NRG2: variants seen among roughly 807,000 people sequenced by gnomAD.
NRG2 encodes neuregulin 2, also known as pro-neuregulin-2, membrane-bound isoform.
A neutral mutation model predicts 73.9 loss-of-function variants in NRG2; 27 were observed. The observed-to-expected ratio is 0.37, with a 90% confidence interval of 0.27 to 0.50. NRG2 has a LOEUF of 0.50. Among genes scored for constraint, NRG2 ranks in the 20% least tolerant of loss-of-function variants. The pLI, the probability that NRG2 is intolerant of heterozygous loss-of-function variation, is 0.96. For synonymous variants in NRG2, 532 were observed against 541.0 expected, an observed-to-expected ratio of 0.98 and a Z score of 0.23; for missense variants, 1,126 against 1,210.1, an observed-to-expected ratio of 0.93 and a Z score of 1.03.
chr5:139,910,895 A>G (rs1458854087), intron 1 of NRG2, among the ~76,000 whole-genome samples: 1 of 152,068 alleles, frequency 6.6e-6, no homozygotes, highest in Non-Finnish European at 1.5e-5. Flanking sequence ...CTTTGGAGAG[A>G]GCAGAAGGTG....
At chr5:139,885,241 G>T (rs1221456234) in intron 2 of NRG2, among the ~76,000 whole-genome samples, 1 of 152,178 alleles carries the variant, frequency 6.6e-6, no homozygotes, top group Non-Finnish European at 1.5e-5. Flanking sequence ...AAATAGTGAG[G>T]CCCAAAGCTC....
Position 139,894,729 on chromosome 5 carries a change from C to T in NRG2, c.701-7218G>A, listed in dbSNP as rs76308780. On this transcript the variant is annotated intron_variant, in intron 1 of 9. Coordinates refer to ENST00000361474, the MANE Select transcript of NRG2 (RefSeq NM_004883.3). The surrounding 1 kb of genome is among the most constrained non-coding windows in gnomAD (Gnocchi z 5.0). ...CACATGCAACAGTCCCTATGATGTA[C>T]GAGGCACTTACCAGTCACCAGGGAT... Among the ~76,000 whole-genome samples the T allele has an allele frequency of 0.022, 3,287 of 152,250 alleles. 122 individuals are homozygous for T. Among genetic ancestry groups the T allele is most frequent in the African/African-American group, 0.074 (3,088 of 41,520 alleles).
At chr5:139,897,250 T>A (rs1380324606) in intron 1 of NRG2, among the ~76,000 whole-genome samples, 3 of 152,260 alleles carry the variant, frequency 2.0e-5, no homozygotes, top group African/African-American at 7.2e-5. Context: ...TCTCTGAGCC[T>A]TCATTCCTTG....
intron 1 of NRG2, among the ~76,000 whole-genome samples, chr5:139,979,675 T>C (rs866923137): frequency 6.6e-6 from 1 of 152,220 alleles, no homozygotes; most frequent in African/African-American, 2.4e-5. Context: ...GAGAGCCTCA[T>C]GTGAGTGTGC....
In NRG2 at chr5:139,904,867, G is replaced by C. The variant is rs1399438520; in HGVS notation, c.701-17356C>G. Among the ~76,000 whole-genome samples, 1 of 152,212 alleles carries C rather than the reference G, an allele frequency of 6.6e-6. No homozygotes were observed. Among genetic ancestry groups the C allele is most frequent in the Non-Finnish European group, 1.5e-5 (1 of 68,018 alleles). On this transcript the variant is annotated intron_variant, in intron 1 of 9. Transcript: ENST00000361474. This position sits in a 1 kb window ranked among gnomAD's most constrained non-coding sequence, Gnocchi z 6.0. ...GCTAGCCAGCCCAGCGGGGTAGCGAGCACCCTTGGCTCTTGCGGTGGGTCT... is the reference window on the plus strand; with the variant it reads ...GCTAGCCAGCCCAGCGGGGTAGCGACCACCCTTGGCTCTTGCGGTGGGTCT...
chr5:139,992,944 T>C (rs1462609999), intron 1 of NRG2, among the ~76,000 whole-genome samples: 1 of 152,130 alleles, frequency 6.6e-6, no homozygotes, highest in Non-Finnish European at 1.5e-5. Context: ...AGTATGTCTT[T>C]TGGGTCTCTT....
At chr5:140,028,358 T>C (rs1760866068) in intron 1 of NRG2, among the ~76,000 whole-genome samples, 1 of 152,240 alleles carries the variant, frequency 6.6e-6, no homozygotes, top group Non-Finnish European at 1.5e-5. Context: ...ATAAAAATAG[T>C]CATTTTAAAA....
chr5:139,872,817 T>C (rs937604875), intron 3 of NRG2, among the ~76,000 whole-genome samples: 3 of 152,152 alleles, frequency 2.0e-5, no homozygotes, highest in African/African-American at 7.2e-5. Context: ...GTGAACATTC[T>C]CGCCCCAAAC....
intron 1 of NRG2, among the ~76,000 whole-genome samples, chr5:139,909,962 CT>C (rs1765475253): frequency 6.6e-6 from 1 of 152,214 alleles, no homozygotes; most frequent in South Asian, 2.1e-4. Context: ...GGTTTCTTCT[CT>C]TAAAAAAGTT....
intron 1 of NRG2, among the ~76,000 whole-genome samples, chr5:139,974,840 T>C (rs1436058243): frequency 6.6e-6 from 1 of 152,226 alleles, no homozygotes. Flanking sequence ...AGGGGGCCTC[T>C]GCTTCTGGTC....
chr5:139,904,499 T>G lies in NRG2; in HGVS notation c.701-16988A>C. 1 of 622,670 alleles carries G rather than the reference T, an allele frequency of 1.6e-6. No individual in the cohort carries two copies. Among genetic ancestry groups the G allele is most frequent in the Non-Finnish European group, 2.7e-6 (1 of 370,944 alleles). 38.6% of individuals were successfully genotyped at this position (622,670 alleles called of 1,614,324 possible). On this transcript the variant is annotated intron_variant, in intron 1 of 9. Coordinates refer to ENST00000361474, the MANE Select transcript of NRG2 (RefSeq NM_004883.3). The surrounding 1 kb of genome is among the most constrained non-coding windows in gnomAD (Gnocchi z 6.0). ...GTGCCCGAGCGCGGCGCCTTTCTTATAGGCGGTCACACCCTCCGGGGGAGG... is the reference window on the plus strand; with the variant it reads ...GTGCCCGAGCGCGGCGCCTTTCTTAGAGGCGGTCACACCCTCCGGGGGAGG...
Position 139,975,475 on chromosome 5 carries a change from C to T in NRG2, c.700+66895G>A, listed in dbSNP as rs144986179. Among the ~76,000 whole-genome samples the T allele has an allele frequency of 2.1e-3, 316 of 152,290 alleles. 1 individual carries two copies. The highest frequency in any genetic ancestry group is 3.6e-3 in the Non-Finnish European group (246 of 68,016). The stretch of plus-strand genomic sequence containing the variant: ...CCCTCCCTGAGCTTGGTGTCCAGGA[C>T]CCCAGCCTGACTGGTATGTGGAGAG... On this transcript the variant is annotated intron_variant, in intron 1 of 9. Coordinates refer to ENST00000361474, the MANE Select transcript of NRG2 (RefSeq NM_004883.3).
intron 1 of NRG2, among the ~76,000 whole-genome samples, chr5:139,932,471 A>G (rs1752551004): frequency 6.6e-6 from 1 of 152,084 alleles, no homozygotes; most frequent in Non-Finnish European, 1.5e-5. Flanking sequence ...AGTTACCATG[A>G]GAGTGGCAAG....
intron 1 of NRG2, among the ~76,000 whole-genome samples, chr5:140,040,552 G>A (rs1761834821): frequency 6.6e-6 from 1 of 152,194 alleles, no homozygotes; most frequent in South Asian, 2.1e-4. Context: ...GTTACTCTAT[G>A]GGGTTATCTG....
intron 1 of NRG2, among the ~76,000 whole-genome samples, chr5:139,897,071 C>A (rs575335365): frequency 3.9e-5 from 6 of 152,332 alleles, no homozygotes; most frequent in African/African-American, 1.4e-4. Flanking sequence ...CTTGCCCATG[C>A]CTATTCTGCC....
At chr5:139,908,892 G>A (rs1765417891) in intron 1 of NRG2, among the ~76,000 whole-genome samples, 2 of 152,232 alleles carry the variant, frequency 1.3e-5, no homozygotes, top group Admixed American at 6.5e-5. Context: ...GGTTTCTCAG[G>A]GGAGGGAGGA....
chr5:139,877,794 C>G (rs751860585), intron 3 of NRG2, among the ~76,000 whole-genome samples: 1 of 152,212 alleles, frequency 6.6e-6, no homozygotes. Context: ...AGCCCCACAA[C>G]GGGAAAACCA....
chr5:139,900,256 G>C (rs888937013), intron 1 of NRG2, among the ~76,000 whole-genome samples: 1 of 152,212 alleles, frequency 6.6e-6, no homozygotes, highest in Non-Finnish European at 1.5e-5. Context: ...AGTTGTATAA[G>C]GATCTGTCTC....
intron 1 of NRG2, among the ~76,000 whole-genome samples, chr5:140,007,234 C>T (rs1405532677): frequency 6.6e-6 from 1 of 152,058 alleles, no homozygotes; most frequent in Non-Finnish European, 1.5e-5. Flanking sequence ...GGAAACTGGA[C>T]TTTGAAAAAG....
Sources: gnomAD v4.1 joint callset for allele counts (sites outside exome capture counted in the v4.1 genomes callset) on GRCh38, gnomAD v4.1.1 for gene constraint, Gnocchi (gnomAD v3.1) non-coding constraint, MANE v1.5 for transcripts, NCBI Gene and HGNC (gene_info 2026-07-23, HGNC 2026-07-21) for gene names.